CADM2: variants seen among roughly 807,000 people sequenced by gnomAD.
CADM2 encodes cell adhesion molecule 2.
A neutral mutation model predicts 49.8 loss-of-function variants in CADM2; 12 were observed. The observed-to-expected ratio is 0.24, with a 90% CI of 0.15 to 0.39. The LOEUF is 0.39. CADM2 is among the 10% of genes least tolerant of loss of function. CADM2 has a pLI of 1.00. For missense variants in CADM2, 378 were observed against 492.3 expected, an observed-to-expected ratio of 0.77 and a Z score of 2.20; for synonymous variants, 214 against 175.4, an observed-to-expected ratio of 1.22 and a Z score of -1.74.
intron 1 of CADM2, among the ~76,000 whole-genome samples, chr3:85,682,958 G>A (rs2066081816): frequency 6.6e-6 from 1 of 151,950 alleles, no homozygotes; most frequent in Non-Finnish European, 1.5e-5. Context: ...ATGCCCAAAG[G>A]TAAAATTAAT....
intron 3 of CADM2, among the ~76,000 whole-genome samples, chr3:85,804,667 A>G (rs1349711241): frequency 2.0e-5 from 3 of 152,188 alleles, no homozygotes; most frequent in Non-Finnish European, 4.4e-5. Flanking sequence ...TAGTGATTCT[A>G]TAAGTTATCC....
At chr3:85,383,042 A>G (rs1244760689) in intron 1 of CADM2, among the ~76,000 whole-genome samples, 2 of 152,266 alleles carry the variant, frequency 1.3e-5, no homozygotes, top group East Asian at 3.9e-4. Context: ...GCTGAGTCTC[A>G]GCTAATCCCA....
intron 1 of CADM2, among the ~76,000 whole-genome samples, chr3:85,404,113 GTTAGTT>G (rs1215972445): frequency 1.3e-5 from 2 of 152,098 alleles, no homozygotes; most frequent in African/African-American, 4.8e-5. Context: ...ATCTCATTGT[GTTAGTT>G]TTAAATTATT....
chr3:85,395,167 G>T (rs2034712867), intron 1 of CADM2, among the ~76,000 whole-genome samples: 1 of 151,650 alleles, frequency 6.6e-6, no homozygotes, highest in Non-Finnish European at 1.5e-5. Flanking sequence ...GTGTATTGGT[G>T]CATACCTGTG....
chr3:85,681,317 C>T (rs2066034082), intron 1 of CADM2, among the ~76,000 whole-genome samples: 1 of 152,106 alleles, frequency 6.6e-6, no homozygotes, highest in Admixed American at 6.5e-5. Flanking sequence ...TGATTACATT[C>T]AGCATTAAAT....
intron 3 of CADM2, among the ~76,000 whole-genome samples, chr3:85,812,465 A>G (rs1406319548): frequency 1.3e-5 from 2 of 152,176 alleles, no homozygotes. Flanking sequence ...TAGTGTCTCC[A>G]TGTTGAATAG....
chr3:85,337,214 C>A (rs1243578155), intron 1 of CADM2, among the ~76,000 whole-genome samples: 2 of 150,196 alleles, frequency 1.3e-5, no homozygotes, highest in Non-Finnish European at 3.0e-5. Context: ...TCTTTAAACT[C>A]CAACTGAACC....
At chr3:85,674,328 A>C (rs755455255) in intron 1 of CADM2, among the ~76,000 whole-genome samples, 1 of 152,170 alleles carries the variant, frequency 6.6e-6, no homozygotes, top group Non-Finnish European at 1.5e-5. Context: ...TTTTGGGCTC[A>C]AATAGTCTTA....
chr3:84,978,965 G>T (rs2031999371), intron 1 of CADM2, among the ~76,000 whole-genome samples: 1 of 152,230 alleles, frequency 6.6e-6, no homozygotes, highest in African/African-American at 2.4e-5. Flanking sequence ...AGGGCATCGA[G>T]AATTAAAGTT....
Position 84,967,255 on chromosome 3 carries a change from A to C in CADM2, c.61+7587A>C, listed in dbSNP as rs529638140. 4.6e-5 allele frequency among the ~76,000 whole-genome samples: 7 copies of C among 152,256 alleles called. No homozygotes were observed. In the East Asian group the frequency reaches 1.3e-3, roughly 29 times the overall value. On this transcript the variant is annotated intron_variant, in intron 1 of 9. Coordinates refer to ENST00000383699, the MANE Select transcript of CADM2 (RefSeq NM_001167675.2). ...TTAGGCTAAAATTGTTTGTATTCTAAAATGCAGGTGCCTTCCATAATGCTT... is the reference window on the plus strand; with the variant it reads ...TTAGGCTAAAATTGTTTGTATTCTACAATGCAGGTGCCTTCCATAATGCTT...
chr3:84,988,452 CA>C (rs1257492983), intron 1 of CADM2, among the ~76,000 whole-genome samples: 1 of 152,182 alleles, frequency 6.6e-6, no homozygotes, highest in Non-Finnish European at 1.5e-5. Flanking sequence ...CTGTTGTATT[CA>C]TTGTTCCATC....
At chr3:85,931,185 C>T (rs1403569169) in intron 6 of CADM2, among the ~76,000 whole-genome samples, 1 of 151,268 alleles carries the variant, frequency 6.6e-6, no homozygotes, top group Non-Finnish European at 1.5e-5. Context: ...CCAGCCTGGG[C>T]AACACAGTGA....
rs150375571 is a variant in CADM2 at position 84,964,032 on chromosome 3, T to C, written c.61+4364T>C. 1.4e-3 allele frequency among the ~76,000 whole-genome samples: 208 copies of C among 152,280 alleles called. 1 individual carries two copies. In the East Asian group the frequency reaches 0.024, roughly 18 times the overall value. ...CAAATATAAGGAGTTTCTAGACTAG[T>C]TTTATATCAAGATGTGGAAGCTTAC... is the stretch of plus-strand genomic sequence containing the variant. On this transcript the variant is annotated intron_variant, in intron 1 of 9. Coordinates refer to ENST00000383699, the MANE Select transcript of CADM2 (RefSeq NM_001167675.2).
intron 1 of CADM2, among the ~76,000 whole-genome samples, chr3:85,283,275 A>G (rs1232793253): frequency 6.6e-6 from 1 of 151,614 alleles, no homozygotes; most frequent in Admixed American, 6.6e-5. Context: ...TTTTGACATT[A>G]TCATGTTTAT....
chr3:84,979,374 A>G (rs991048355), intron 1 of CADM2, among the ~76,000 whole-genome samples: 2 of 152,138 alleles, frequency 1.3e-5, no homozygotes, highest in African/African-American at 4.8e-5. Context: ...ATCTAAGTAT[A>G]TAAATCAATA....
chr3:85,802,332 T>C, intron 3 of CADM2, 136 bp downstream of exon 3: 1 of 732,518 alleles, frequency 1.4e-6, no homozygotes, highest in East Asian at 3.0e-5. Context: ...ACATGTTAAA[T>C]ATTAAATACT....
At chr3:85,725,022 A>T (rs2067644591) in intron 1 of CADM2, among the ~76,000 whole-genome samples, 1 of 151,922 alleles carries the variant, frequency 6.6e-6, no homozygotes, top group African/African-American at 2.4e-5. Flanking sequence ...TTACTTTAAA[A>T]AAAATCTTCA....
intron 1 of CADM2, among the ~76,000 whole-genome samples, chr3:85,159,414 T>C (rs1424481832): frequency 6.6e-6 from 1 of 150,896 alleles, no homozygotes; most frequent in African/African-American, 2.5e-5. Context: ...AAATTAGGGT[T>C]GTAGACTGGT....
At chr3:85,350,438 A>G (rs1330414158) in intron 1 of CADM2, among the ~76,000 whole-genome samples, 1 of 152,158 alleles carries the variant, frequency 6.6e-6, no homozygotes, top group Non-Finnish European at 1.5e-5. Flanking sequence ...TTTACCTCCA[A>G]GCCCTGTACA....
Sources: allele counts gnomAD v4.1 joint callset (sites outside exome capture counted in the v4.1 genomes callset), GRCh38; gene constraint gnomAD v4.1.1; transcripts MANE v1.5; gene names NCBI Gene and HGNC (gene_info 2026-07-23, HGNC 2026-07-21).